PPARGC1A: variants seen among roughly 807,000 people sequenced by gnomAD.
PPARGC1A encodes PPARG coactivator 1 alpha.
In PPARGC1A, 25 loss-of-function variants were observed where a neutral mutation model predicts 88.7. The observed-to-expected ratio is 0.28, with a 90% CI of 0.21 to 0.39. The LOEUF (loss-of-function observed/expected upper bound fraction) is 0.39, where lower values mean the gene tolerates loss of function less well. Ranked by LOEUF, PPARGC1A falls within the 10% of genes least tolerant of loss-of-function variation. PPARGC1A has a pLI of 1.00. For synonymous variants in PPARGC1A, 363 were observed against 355.6 expected, an observed-to-expected ratio of 1.02 and a Z score of -0.24; for missense variants, 880 against 968.7, an observed-to-expected ratio of 0.91 and a Z score of 1.22.
chr4:24,183,806 C>T, the PPARGC1A span, among the ~76,000 whole-genome samples: 3,813 of 152,174 alleles, frequency 0.025, 53 homozygotes, highest in Non-Finnish European at 0.04. Flanking sequence ...GCTTTCCTCA[C>T]GGAAATTTTT....
chr4:24,373,699 G>T, the PPARGC1A span, among the ~76,000 whole-genome samples: 1 of 152,192 alleles, frequency 6.6e-6, no homozygotes, highest in African/African-American at 2.4e-5. Context: ...AAAGACAGCT[G>T]TGTTTTTAAG....
At chr4:24,175,726 T>C in the PPARGC1A span, among the ~76,000 whole-genome samples, 2 of 151,754 alleles carry the variant, frequency 1.3e-5, no homozygotes, top group South Asian at 4.1e-4. Context: ...GCTTCTTTTT[T>C]TATTTTTATA....
chr4:24,228,214 C>T, the PPARGC1A span, among the ~76,000 whole-genome samples: 1 of 152,120 alleles, frequency 6.6e-6, no homozygotes. Flanking sequence ...CATATCAGCT[C>T]CCATAGAAAT....
At chr4:24,304,567 T>C in the PPARGC1A span, among the ~76,000 whole-genome samples, 3 of 152,112 alleles carry the variant, frequency 2.0e-5, no homozygotes, top group Non-Finnish European at 4.4e-5. Flanking sequence ...CAAACCCAGG[T>C]GGTCTGGCTC....
the PPARGC1A span, among the ~76,000 whole-genome samples, chr4:24,062,765 T>C: frequency 6.6e-6 from 1 of 152,224 alleles, no homozygotes; most frequent in Non-Finnish European, 1.5e-5. Flanking sequence ...AACTGAAACT[T>C]TATCATTGAC....
At chr4:24,260,321 A>G in the PPARGC1A span, among the ~76,000 whole-genome samples, 1 of 152,176 alleles carries the variant, frequency 6.6e-6, no homozygotes, top group Non-Finnish European at 1.5e-5. Context: ...CACCACCAAC[A>G]TATGACAGAC....
the PPARGC1A span, among the ~76,000 whole-genome samples, chr4:24,374,326 C>T: frequency 2.0e-5 from 3 of 152,064 alleles, no homozygotes; most frequent in African/African-American, 7.2e-5. Context: ...GAAACCTTTC[C>T]ATGTGGCCTG....
intron 2 of PPARGC1A, among the ~76,000 whole-genome samples, chr4:23,832,189 C>G (rs1725127924): frequency 6.6e-6 from 1 of 152,148 alleles, no homozygotes; most frequent in Non-Finnish European, 1.5e-5. Flanking sequence ...ACTGTCTAGA[C>G]AGCTCTTTAT....
At chr4:24,302,095 C>A in the PPARGC1A span, among the ~76,000 whole-genome samples, 1 of 152,140 alleles carries the variant, frequency 6.6e-6, no homozygotes, top group Non-Finnish European at 1.5e-5. Context: ...CACTCCCTTG[C>A]CACTCTAGAT....
At chr4:24,205,312 T>C in the PPARGC1A span, among the ~76,000 whole-genome samples, 2 of 152,266 alleles carry the variant, frequency 1.3e-5, no homozygotes, top group East Asian at 1.9e-4. Context: ...CTGTAGTCCC[T>C]TAGAACATAA....
At chr4:24,053,025 G>A in the PPARGC1A span, among the ~76,000 whole-genome samples, 43 of 149,724 alleles carry the variant, frequency 2.9e-4, no homozygotes, top group East Asian at 7.9e-4. Flanking sequence ...CACCACACCC[G>A]GCTAATTTTT....
At chr4:23,919,091 T>C in the PPARGC1A span, among the ~76,000 whole-genome samples, 1 of 152,148 alleles carries the variant, frequency 6.6e-6, no homozygotes, top group African/African-American at 2.4e-5. Context: ...TTCTCTAATT[T>C]CATCAATTGG....
At position 23,793,067 on chromosome 4, in the gene PPARGC1A, T is replaced by C. The variant is rs950788720; in HGVS notation, c.*2755A>G. The C allele has an allele frequency of 1.3e-5, 2 of 152,570 alleles. No individual in the cohort carries two copies. Among genetic ancestry groups the C allele is most frequent in the Non-Finnish European group, 2.9e-5 (2 of 68,000 alleles). 9.5% of individuals were successfully genotyped at this position (152,570 alleles called of 1,614,324 possible). A position where few individuals can be genotyped will look rare whatever the true frequency, so the allele number is the denominator to read the frequency against. ...GCAAAAAGGAGAATGTATTTAAAAT[T>C]GGTTCACAAAAATTTAAAGGCAAAA... On this transcript the variant is annotated 3_prime_UTR_variant, in exon 13 of 13. Transcript: ENST00000264867.
the PPARGC1A span, among the ~76,000 whole-genome samples, chr4:24,387,733 CAAGA>C: frequency 4.2e-3 from 374 of 90,068 alleles, 6 homozygotes; most frequent in Middle Eastern, 0.024. Context: ...GAGATTCCAT[CAAGA>C]AAGAAAGAAA....
the PPARGC1A span, among the ~76,000 whole-genome samples, chr4:24,037,034 G>A: frequency 0.011 from 1,715 of 152,268 alleles, 16 homozygotes; most frequent in Middle Eastern, 0.041. Flanking sequence ...TACAAACATT[G>A]TCAAATAAAG....
At chr4:24,140,332 G>A in the PPARGC1A span, among the ~76,000 whole-genome samples, 5 of 152,314 alleles carry the variant, frequency 3.3e-5, no homozygotes, top group African/African-American at 4.8e-5. Flanking sequence ...GAAAGCATTC[G>A]TCTTGGGTCA....
At chr4:24,354,714 G>A in the PPARGC1A span, among the ~76,000 whole-genome samples, 59 of 151,938 alleles carry the variant, frequency 3.9e-4, no homozygotes, top group Non-Finnish European at 8.1e-4. Context: ...GTAAAACCCC[G>A]TCTCTACTAA....
At chr4:24,318,398 G>C in the PPARGC1A span, among the ~76,000 whole-genome samples, 1 of 152,314 alleles carries the variant, frequency 6.6e-6, no homozygotes, top group East Asian at 1.9e-4. Context: ...AGGTAGACTA[G>C]AAGGAACAAA....
the PPARGC1A span, among the ~76,000 whole-genome samples, chr4:23,930,347 C>T: frequency 3.9e-5 from 6 of 152,136 alleles, no homozygotes; most frequent in African/African-American, 1.4e-4. Flanking sequence ...CTTATGTTTG[C>T]TTTGCACCAT....
Sources: gnomAD v4.1 joint callset for allele counts (sites outside exome capture counted in the v4.1 genomes callset) on GRCh38, gnomAD v4.1.1 for gene constraint, MANE v1.5 for transcripts, NCBI Gene and HGNC (gene_info 2026-07-23, HGNC 2026-07-21) for gene names.